LILRA4: variants seen among roughly 807,000 people sequenced by gnomAD.
The protein encoded by LILRA4 is leukocyte immunoglobulin like receptor A4, also known as leukocyte immunoglobulin-like receptor subfamily A member 4.
Under a neutral mutation model 49.5 loss-of-function variants are expected in LILRA4, and 51 were observed. The ratio of observed to expected loss-of-function variants is 1.03; its 90% confidence interval spans 0.82 to 1.30. The LOEUF (loss-of-function observed/expected upper bound fraction) is 1.30. LILRA4 is among the 50% of genes most tolerant of loss of function. LILRA4 has a pLI of 0.00. For missense variants in LILRA4, 624 were observed against 625.6 expected (o/e 1.00, Z 0.03); for synonymous variants, 272 against 265.6 (o/e 1.02, Z -0.23).
In LILRA4 at chr19:54,333,766, C is replaced by T; in HGVS notation, c.1307-1G>A. ...ACTGTGTAATCCTGGAGGTGTGGGGCTAGGGATGGTGGACAAAGAGGTCAC... is the reference window on the plus strand; with the variant it reads ...ACTGTGTAATCCTGGAGGTGTGGGGTTAGGGATGGTGGACAAAGAGGTCAC... On this transcript the variant is annotated splice_acceptor_variant, in intron 7 of 7. Transcript: ENST00000291759. LOFTEE classifies it high-confidence loss of function. 6.2e-7 allele frequency: 1 copy of T among 1,613,944 alleles called. No individual in the cohort carries two copies. The highest frequency in any genetic ancestry group is 1.3e-5 in the African/African-American group (1 of 74,966).
At chr19:54,339,037 T>C in intron 1 of LILRA4, 23 bp downstream of exon 1, 1 of 1,613,980 alleles carries the variant, frequency 6.2e-7, no homozygotes, top group Non-Finnish European at 8.5e-7. Context: ...CTAGGGTCTC[T>C]CCTCCCCCTC....
chr19:54,337,353 C>G (rs1249916254), intron 5 of LILRA4, 47 bp downstream of exon 5: 1 of 1,600,948 alleles, frequency 6.2e-7, no homozygotes, highest in South Asian at 1.1e-5. Flanking sequence ...CCAGCAGGGC[C>G]TGTGCAGAGC....
chr19:54,337,756 T>C (rs2081346592), intron 4 of LILRA4, 60 bp from the exon 5 acceptor site: 2 of 1,550,486 alleles, frequency 1.3e-6, no homozygotes, highest in African/African-American at 2.8e-5. Flanking sequence ...CCCTTCCTTC[T>C]GTAGCCTTCC....
At position 54,337,428 on chromosome 19, in the gene LILRA4, G is replaced by A; in HGVS notation, c.924C>T (p.Pro308=). 6.2e-7 allele frequency: 1 copy of A among 1,610,622 alleles called. No homozygotes were observed. Among genetic ancestry groups the A allele is most frequent in the South Asian group, 1.1e-5 (1 of 90,964 alleles). Residue 308 remains proline (P), a synonymous_variant, in exon 5 of 8, where the codon CCC becomes CCT. Transcript: ENST00000291759. ...AHNVSSEWSA[P]SDPLDILIAG... ...CGATCAGGATATCCAGGGGGTCACT[G>A]GGGGCCGACCACTCGGAGGAGACGT...
rs757047674 is a variant in LILRA4, at chr19:54,333,666, T to C, written c.1406A>G (p.His469Arg). The C allele has an allele frequency of 5.0e-6, 8 of 1,614,102 alleles. No individual in the cohort carries two copies. The South Asian group carries it at 6.6e-5, about 13-fold the overall frequency. Residue 469 changes from histidine (H) to arginine (R), a missense_variant, in exon 8 of 8, where the codon CAC (histidine) becomes CGC (arginine). His to Arg is a conservative substitution (Grantham distance 29). Transcript: ENST00000291759. ...GCACCTTGGGGGGCTTCTCTGGCTG[T>C]GCTGAGCCTCAAATAACAGAATCCC... ...FLGILLFEAQ[H>R]SQRSPPRCSQ...
rs2081293541 is a variant in LILRA4, at chr19:54,333,618, T to C, written c.1454A>G (p.Lys485Arg). Residue 485 changes from lysine (K) to arginine (R), a missense_variant, in exon 8 of 8, where the codon AAG becomes AGG. Physicochemically the swap from Lys to Arg is conservative, Grantham distance 26. Coordinates refer to ENST00000291759, the MANE Select transcript of LILRA4 (RefSeq NM_012276.5). ...CACCACTCTGAAGGGTGCATTGTCCTTTCTGCTGTTTGCCTCCTGGCTGCA... is the reference window on the plus strand; with the variant it reads ...CACCACTCTGAAGGGTGCATTGTCCCTTCTGCTGTTTGCCTCCTGGCTGCA... The part of the protein sequence containing the change: ...PRCSQEANSR[K>R]DNAPFRVVEP... 1 of 1,614,168 alleles carries C rather than the reference T, an allele frequency of 6.2e-7. No homozygotes were observed. The highest frequency in any genetic ancestry group is 1.1e-5 in the South Asian group (1 of 91,082).
Position 54,337,965 on chromosome 19 carries a change from G to A in LILRA4, c.626C>T (p.Pro209Leu), listed in dbSNP as rs756697691. 6.2e-7 allele frequency: 1 copy of A among 1,612,734 alleles called. No homozygotes were observed. Among genetic ancestry groups the A allele is most frequent in the Non-Finnish European group, 8.5e-7 (1 of 1,179,450 alleles). The part of the protein sequence containing the change: ...ENNTPYVWSE[P>L]SDPLQLLVSG... The stretch of plus-strand genomic sequence containing the variant: ...CACCAGTAGCTGCAGGGGGTCACTG[G>A]GTTCCGACCACACGTATGGGGTGTT... Residue 209 changes from proline (P) to leucine (L), a missense_variant, in exon 4 of 8, where the codon CCC becomes CTC. Coordinates refer to ENST00000291759, the MANE Select transcript of LILRA4 (RefSeq NM_012276.5).
At chr19:54,338,923 G>C (rs751176985) in intron 1 of LILRA4, 22 bp from the exon 2 acceptor site, 1 of 1,614,174 alleles carries the variant, frequency 6.2e-7, no homozygotes, top group Non-Finnish European at 8.5e-7. Flanking sequence ...TTCCCTGTGA[G>C]AGATTTGCCT....
Position 54,338,809 on chromosome 19 carries a change from G to A in LILRA4, c.70+57C>T, listed in dbSNP as rs2081360630. ...TGTCTTCACCCCCAGCTGCCCAGGG[G>A]TGGTCCCTTGTCCCCAGAGAGGAGG... On this transcript the variant is annotated intron_variant, in intron 2 of 7. Coordinates refer to ENST00000291759, the MANE Select transcript of LILRA4 (RefSeq NM_012276.5). The A allele has an allele frequency of 1.2e-5, 20 of 1,610,048 alleles. No individual in the cohort carries two copies. The Admixed American group carries it at 3.2e-4, about 26-fold the overall frequency.
At position 54,337,457 on chromosome 19, in the gene LILRA4, G is replaced by A. The variant is rs770533176; in HGVS notation, c.895C>T (p.His299Tyr). The change falls in exon 5 of 8, where the codon CAC becomes TAC. Residue 299 changes from histidine (H) to tyrosine (Y), a missense_variant. By Grantham distance (83) the His-to-Tyr change is moderately conservative. Transcript: ENST00000291759. The part of the protein sequence containing the change: ...YGGQYRCYGA[H>Y]NVSSEWSAPS... The stretch of plus-strand genomic sequence containing the variant: ...GCCGACCACTCGGAGGAGACGTTGT[G>A]TGCGCCGTAGCATCTGTACTGGCCC... The A allele has an allele frequency of 3.4e-5, 55 of 1,611,904 alleles. No individual in the cohort carries two copies. Among genetic ancestry groups the A allele is most frequent in the Non-Finnish European group, 4.0e-5 (47 of 1,179,810 alleles).
chr19:54,338,372 T>A, intron 3 of LILRA4, 24 bp downstream of exon 3: 1 of 1,613,370 alleles, frequency 6.2e-7, no homozygotes, highest in Non-Finnish European at 8.5e-7. Flanking sequence ...AGCCTGGGGC[T>A]GGGACCCCTG....
Position 54,337,703 on chromosome 19 carries a change from G to A in LILRA4, c.656-7C>T, listed in dbSNP as rs745656716. The A allele has an allele frequency of 3.1e-6, 5 of 1,610,570 alleles. No individual in the cohort carries two copies. In the South Asian group the frequency reaches 4.4e-5, roughly 14 times the overall value. Reference sequence around the variant, plus strand: ...GAGGGCTTCCTAGACACGCCTGGAGGGAAAGATGAGTTGGGACTCGGAGCG... The same window carrying A: ...GAGGGCTTCCTAGACACGCCTGGAGAGAAAGATGAGTTGGGACTCGGAGCG... On this transcript the variant is annotated splice_polypyrimidine_tract_variant and splice_region_variant and intron_variant, in intron 4 of 7. Transcript: ENST00000291759.
At chr19:54,334,995 A>T (rs1306831202) in intron 6 of LILRA4, 34 of 151,684 alleles carry the variant, frequency 2.2e-4, no homozygotes, top group African/African-American at 8.2e-4. Context: ...AAATAAAATA[A>T]AATAATAATA....
At position 54,338,406 on chromosome 19, in the gene LILRA4, C is replaced by T; in HGVS notation, c.345G>A (p.Leu115=). Residue 115 remains leucine, a synonymous_variant, in exon 3 of 8, where the codon CTG becomes CTA. Transcript: ENST00000291759. ...GWSEPSDPLE[L]VVTAYSRPTL... is the part of the protein sequence containing the mutation. ...TGAGTGTCCTCTCACCTGTCACCACCAGCTCCAGGGGGTCGCTGGGCTCTG... is the reference window on the plus strand; with the variant it reads ...TGAGTGTCCTCTCACCTGTCACCACTAGCTCCAGGGGGTCGCTGGGCTCTG... 2 of 1,613,962 alleles carry T rather than the reference C, an allele frequency of 1.2e-6. No homozygotes were observed. The highest frequency in any genetic ancestry group is 1.3e-5 in the African/African-American group (1 of 75,020).
At position 54,337,511 on chromosome 19, in the gene LILRA4, T is replaced by A. The variant is rs2122192537; in HGVS notation, c.841A>T (p.Thr281Ser). Residue 281 changes from threonine to serine, a missense_variant, in exon 5 of 8, where the codon ACC becomes TCC. Thr to Ser is a moderately conservative substitution (Grantham distance 58). Coordinates refer to ENST00000291759, the MANE Select transcript of LILRA4 (RefSeq NM_012276.5). The part of the protein sequence containing the change: ...PQAGLSQANF[T>S]LSPVSRSYGG... ...TAGGAGCGGCTCACAGGGCTCAGGGTGAAGTTGGCCTGGGAGAGCCCAGCC... is the reference window on the plus strand; with the variant it reads ...TAGGAGCGGCTCACAGGGCTCAGGGAGAAGTTGGCCTGGGAGAGCCCAGCC... 1 of 1,612,518 alleles carries A rather than the reference T, an allele frequency of 6.2e-7. No individual in the cohort carries two copies. Among genetic ancestry groups the A allele is most frequent in the Non-Finnish European group, 8.5e-7 (1 of 1,179,812 alleles).
At position 54,338,847 on chromosome 19, in the gene LILRA4, C is replaced by G. The variant is rs966398509; in HGVS notation, c.70+19G>C. The G allele has an allele frequency of 6.2e-7, 1 of 1,613,906 alleles. No individual in the cohort carries two copies. Among genetic ancestry groups the G allele is most frequent in the Non-Finnish European group, 8.5e-7 (1 of 1,179,974 alleles). On this transcript the variant is annotated intron_variant, in intron 2 of 7. Transcript: ENST00000291759. Reference sequence around the variant, plus strand: ...CCCAGAGAGGAGGAGGGACCTAGGACAGCTGGGGACAGACTCACCTGCCTG... The same window carrying G: ...CCCAGAGAGGAGGAGGGACCTAGGAGAGCTGGGGACAGACTCACCTGCCTG...
At position 54,333,493 on chromosome 19, in the gene LILRA4, C is replaced by G. The variant is rs2081292080; in HGVS notation, c.*79G>C. ...CACCCAGACATCTTCCTGCACCTGA[C>G]CCATGCTTCTTCCCCTTGATATTCT... On this transcript the variant is annotated 3_prime_UTR_variant, in exon 8 of 8. Transcript: ENST00000291759. The G allele has an allele frequency of 2.9e-6, 4 of 1,397,948 alleles. No homozygotes were observed. The Admixed American group carries it at 7.3e-5, about 26-fold the overall frequency. 86.6% of individuals were successfully genotyped at this position (1,397,948 alleles called of 1,614,324 possible). A position where few individuals can be genotyped will look rare whatever the true frequency, so the allele number is the denominator to read the frequency against.
intron 6 of LILRA4, chr19:54,336,041 G>A (rs1431869216): frequency 6.6e-6 from 1 of 151,846 alleles, no homozygotes; most frequent in Non-Finnish European, 1.5e-5. Context: ...TGGACCCCCG[G>A]ACCCCAAATC....
At chr19:54,334,317 C>T (rs1000494182) in intron 6 of LILRA4, 2 of 224,526 alleles carry the variant, frequency 8.9e-6, no homozygotes, top group Non-Finnish European at 1.7e-5. Context: ...CCCCCAGAGA[C>T]AGAAATTTCC....
Sources: allele counts gnomAD v4.1 joint callset, GRCh38; gene constraint gnomAD v4.1.1; transcripts MANE v1.5; gene names NCBI Gene and HGNC (gene_info 2026-07-23, HGNC 2026-07-21).